The following ABCC4 variants were observed in gnomAD, a reference collection of about 807,000 sequenced individuals.
The protein encoded by ABCC4 is ATP-binding cassette sub-family C member 4.
Under a neutral mutation model 168.5 loss-of-function variants are expected in ABCC4, and 102 were observed. The ratio of observed to expected loss-of-function variants is 0.61; its 90% CI spans 0.52 to 0.71. ABCC4 has a LOEUF of 0.71. ABCC4 is among the 30% of genes least tolerant of loss of function. The pLI, the probability that ABCC4 is intolerant of heterozygous loss-of-function variation, is 0.00. For synonymous variants in ABCC4, 617 were observed against 590.7 expected (o/e 1.04, Z -0.65); for missense variants, 1,402 against 1,605.8 (o/e 0.87, Z 2.17).
chr13:95,284,360 G>A (rs1369177776), intron 1 of ABCC4, among the ~76,000 whole-genome samples: 1 of 152,010 alleles, frequency 6.6e-6, no homozygotes, highest in Non-Finnish European at 1.5e-5. Context: ...GCTAATTTTT[G>A]TATTTTTTGT....
intron 8 of ABCC4, among the ~76,000 whole-genome samples, chr13:95,205,899 G>A (rs1232503294): frequency 5.3e-5 from 8 of 152,148 alleles, no homozygotes; most frequent in Non-Finnish European, 1.0e-4. Flanking sequence ...TGTTACAGTC[G>A]TACAAATGGA....
chr13:95,296,672 C>G (rs1235170886), intron 1 of ABCC4, among the ~76,000 whole-genome samples: 7 of 152,156 alleles, frequency 4.6e-5, no homozygotes, highest in African/African-American at 1.7e-4. Flanking sequence ...TTAGCCTCCA[C>G]CCTGCTGCTG....
chr13:95,089,532 C>T (rs2034364747), intron 20 of ABCC4, among the ~76,000 whole-genome samples: 2 of 152,166 alleles, frequency 1.3e-5, no homozygotes, highest in African/African-American at 4.8e-5. Flanking sequence ...GCAGGAGAAA[C>T]ACTTGCAACC....
At chr13:95,237,712 C>T (rs193162669) in intron 3 of ABCC4, among the ~76,000 whole-genome samples, 3 of 152,200 alleles carry the variant, frequency 2.0e-5, no homozygotes, top group East Asian at 1.9e-4. Context: ...CCAGCGGGCA[C>T]GCGGCCTCCA....
intron 19 of ABCC4, among the ~76,000 whole-genome samples, chr13:95,150,148 T>G (rs949563224): frequency 6.6e-6 from 1 of 152,084 alleles, no homozygotes; most frequent in Non-Finnish European, 1.5e-5. Flanking sequence ...TAATTTTTTT[T>G]AGAGATGGGG....
chr13:95,166,097 A>G (rs1402958913), intron 15 of ABCC4, 61 bp downstream of exon 15: 7 of 1,414,012 alleles, frequency 5.0e-6, no homozygotes, highest in Non-Finnish European at 7.0e-6. Flanking sequence ...TAGACCAAAG[A>G]TCCATAAGGC....
chr13:95,151,548 G>GAGT (rs756656700), intron 19 of ABCC4, among the ~76,000 whole-genome samples: 20 of 145,388 alleles, frequency 1.4e-4, no homozygotes, highest in African/African-American at 5.4e-4. Context: ...AAGAAGGAAG[G>GAGT]AGGAGGAGGA....
chr13:95,249,870 A>G (rs961614129), intron 1 of ABCC4, among the ~76,000 whole-genome samples: 1 of 152,240 alleles, frequency 6.6e-6, no homozygotes, highest in African/African-American at 2.4e-5. Flanking sequence ...CAGGCTGAAC[A>G]GTTAACTGCA....
Position 95,241,266 on chromosome 13 carries a change from G to A in ABCC4, c.306+5709C>T, listed in dbSNP as rs534716483. Among the ~76,000 whole-genome samples the A allele has an allele frequency of 9.9e-5, 15 of 151,838 alleles. No individual in the cohort carries two copies. In the East Asian group the frequency reaches 2.7e-3, roughly 28 times the overall value. ...TGTAGTCCCAGCTACTCAGGAGGCA[G>A]AGGCAGCAGAATCACTTGAACCTGG... On this transcript the variant is annotated intron_variant, in intron 3 of 30. Coordinates refer to ENST00000645237, the MANE Select transcript of ABCC4 (RefSeq NM_005845.5).
At chr13:95,244,749 C>A (rs1245811800) in intron 3 of ABCC4, among the ~76,000 whole-genome samples, 2 of 151,494 alleles carry the variant, frequency 1.3e-5, no homozygotes, top group African/African-American at 4.9e-5. Context: ...ACTATCACTG[C>A]TGCTGCTACT....
chr13:95,223,447 AG>A (rs1023182681), intron 4 of ABCC4, among the ~76,000 whole-genome samples: 3 of 152,216 alleles, frequency 2.0e-5, no homozygotes, highest in African/African-American at 7.2e-5. Flanking sequence ...AAAGAAACTG[AG>A]GAAAAATATG....
chr13:95,218,782 T>A (rs1191039697), intron 4 of ABCC4, among the ~76,000 whole-genome samples: 1 of 149,730 alleles, frequency 6.7e-6, no homozygotes, highest in Non-Finnish European at 1.5e-5. Context: ...GCCCAGGAGC[T>A]CAAGGCTGCA....
Position 95,065,959 on chromosome 13 carries a change from G to A in ABCC4, c.3211-3100C>T, listed in dbSNP as rs547896886. On this transcript the variant is annotated intron_variant, in intron 25 of 30. Coordinates refer to ENST00000645237, the MANE Select transcript of ABCC4 (RefSeq NM_005845.5). ...CACTCATTTCTCAGATTAAACTTCC[G>A]AAGTACAGCTCTCTGCCTGGCACTC... 1.2e-4 allele frequency among the ~76,000 whole-genome samples: 18 copies of A among 152,252 alleles called. No homozygotes were observed. In the South Asian group the frequency reaches 1.7e-3, roughly 14 times the overall value.
chr13:95,243,730 T>C (rs2138791673), intron 3 of ABCC4, among the ~76,000 whole-genome samples: 1 of 151,898 alleles, frequency 6.6e-6, no homozygotes, highest in South Asian at 2.1e-4. Context: ...CTACTAAAAA[T>C]ACAAAAAATA....
At chr13:95,076,933 A>G (rs570764985) in intron 21 of ABCC4, among the ~76,000 whole-genome samples, 1 of 150,982 alleles carries the variant, frequency 6.6e-6, no homozygotes, top group Admixed American at 6.6e-5. Flanking sequence ...ATAATTTTTG[A>G]GTTTTTCATA....
chr13:95,285,889 T>C (rs1211261430), intron 1 of ABCC4, among the ~76,000 whole-genome samples: 1 of 152,122 alleles, frequency 6.6e-6, no homozygotes, highest in African/African-American at 2.4e-5. Flanking sequence ...GCCTGCAGTG[T>C]ATTGACTGGG....
At chr13:95,063,291 C>T (rs112082852) in intron 25 of ABCC4, among the ~76,000 whole-genome samples, 31 of 152,168 alleles carry the variant, frequency 2.0e-4, no homozygotes, top group African/African-American at 5.3e-4. Flanking sequence ...ATTAGCTTTG[C>T]TTGCAGGATC....
At chr13:95,117,441 A>T (rs1490825313) in intron 19 of ABCC4, among the ~76,000 whole-genome samples, 1 of 152,138 alleles carries the variant, frequency 6.6e-6, no homozygotes, top group Non-Finnish European at 1.5e-5. Context: ...TGGAGCCTGA[A>T]TTTCCAACCA....
chr13:95,063,387 T>A (rs1221426177), intron 25 of ABCC4, among the ~76,000 whole-genome samples: 1 of 152,132 alleles, frequency 6.6e-6, no homozygotes, highest in Non-Finnish European at 1.5e-5. Context: ...AGTATTCATT[T>A]TTCTAGAGTT....
Sources: allele counts gnomAD v4.1 joint callset (sites outside exome capture counted in the v4.1 genomes callset), GRCh38; gene constraint gnomAD v4.1.1; transcripts MANE v1.5; gene names NCBI Gene and HGNC (gene_info 2026-07-23, HGNC 2026-07-21).